The following OPCML variants were observed in gnomAD, a reference collection of about 807,000 sequenced individuals.
OPCML encodes the protein opioid binding protein/cell adhesion molecule like.
A neutral mutation model predicts 37.8 loss-of-function variants in OPCML; 13 were observed. That is an observed-to-expected ratio of 0.34 (90% CI 0.22 to 0.55). OPCML has a LOEUF of 0.55. Ranked by LOEUF, OPCML falls within the 20% of genes least tolerant of loss-of-function variation. The pLI is 0.91. For missense variants in OPCML, 341 were observed against 435.6 expected (o/e 0.78, Z 1.93); for synonymous variants, 176 against 168.8 (o/e 1.04, Z -0.33).
chr11:132,437,921 G>A (rs1259975267), intron 4 of OPCML, among the ~76,000 whole-genome samples: 1 of 152,154 alleles, frequency 6.6e-6, no homozygotes, highest in Admixed American at 6.5e-5. Context: ...GATAGAGTGA[G>A]AATGAATGAA....
chr11:132,838,682 T>G (rs894844512), intron 2 of OPCML, among the ~76,000 whole-genome samples: 3 of 152,226 alleles, frequency 2.0e-5, no homozygotes, highest in Non-Finnish European at 2.9e-5. Context: ...AAATTTATTT[T>G]TTTATTGTGC....
chr11:133,306,108 G>A (rs1490688871), intron 1 of OPCML, among the ~76,000 whole-genome samples: 1 of 152,136 alleles, frequency 6.6e-6, no homozygotes, highest in Non-Finnish European at 1.5e-5. Context: ...TAGCACAGTA[G>A]TGTAACCATT....
At chr11:133,018,701 G>A (rs1427607302) in intron 1 of OPCML, among the ~76,000 whole-genome samples, 1 of 152,220 alleles carries the variant, frequency 6.6e-6, no homozygotes, top group East Asian at 1.9e-4. Flanking sequence ...GACTGGGCTT[G>A]TGCTGGAAAC....
At chr11:133,499,964 C>T (rs539494100) in intron 1 of OPCML, among the ~76,000 whole-genome samples, 8 of 148,510 alleles carry the variant, frequency 5.4e-5, no homozygotes, top group South Asian at 2.2e-4. Context: ...CTCCGCCCCC[C>T]GGGTTCAAGC....
chr11:133,069,705 G>A (rs58936969), intron 1 of OPCML, among the ~76,000 whole-genome samples: 48,936 of 152,122 alleles, frequency 0.32, 8,445 homozygotes, highest in Non-Finnish European at 0.39. Flanking sequence ...CAGCACTCCC[G>A]TTTCCTGGGC....
chr11:132,722,338 G>A (rs2135982884), intron 2 of OPCML, among the ~76,000 whole-genome samples: 1 of 151,888 alleles, frequency 6.6e-6, no homozygotes, highest in East Asian at 1.9e-4. Flanking sequence ...TAGAGGGGAT[G>A]CAGGCTGGTG....
chr11:133,439,511 A>G lies in OPCML; in HGVS notation c.61+92753T>C, dbSNP rs903100172. On this transcript the variant is annotated intron_variant, in intron 1 of 7. Transcript: ENST00000524381. ...GAGATGGAGTCTCACTCTGTCGCCC[A>G]GGCTGGAGTGCAGTGGCTCCATCTC... The G allele has an allele frequency of 9.0e-6, 8 of 890,150 alleles. No homozygotes were observed. In the African/African-American group the frequency reaches 9.1e-5, roughly 10 times the overall value. The allele number at this position is 890,150 out of a possible 1,614,324, so 55.1% of individuals were successfully genotyped here.
At chr11:132,694,962 A>G (rs143995578) in intron 2 of OPCML, among the ~76,000 whole-genome samples, 2,923 of 152,334 alleles carry the variant, frequency 0.019, 37 homozygotes, top group Non-Finnish European at 0.034. Flanking sequence ...CATTAATGGC[A>G]TAAAAAATTA....
At chr11:132,930,860 A>G (rs927169673) in intron 2 of OPCML, among the ~76,000 whole-genome samples, 3 of 152,182 alleles carry the variant, frequency 2.0e-5, no homozygotes, top group Admixed American at 2.0e-4. Flanking sequence ...AGCCAAAACA[A>G]TCTTGAAAAA....
chr11:132,842,862 G>A (rs1245241589), intron 2 of OPCML, among the ~76,000 whole-genome samples: 1 of 152,198 alleles, frequency 6.6e-6, no homozygotes, highest in Non-Finnish European at 1.5e-5. Context: ...AATGTTAGGT[G>A]ATGCTACGAC....
chr11:133,086,212 C>T (rs565243723), intron 1 of OPCML, among the ~76,000 whole-genome samples: 2 of 152,252 alleles, frequency 1.3e-5, no homozygotes, highest in South Asian at 4.1e-4. Context: ...TTTTCTAAAT[C>T]TGGAATTAGT....
intron 1 of OPCML, among the ~76,000 whole-genome samples, chr11:133,515,915 T>A (rs1948260913): frequency 6.6e-6 from 1 of 151,754 alleles, no homozygotes; most frequent in African/African-American, 2.4e-5. Context: ...TGAGTCCTAG[T>A]TCAACTTCGC....
intron 3 of OPCML, among the ~76,000 whole-genome samples, chr11:132,640,659 C>T (rs1432039049): frequency 6.6e-6 from 1 of 152,152 alleles, no homozygotes; most frequent in Non-Finnish European, 1.5e-5. Context: ...TTGTTCCCAT[C>T]CTCAGAGTGG....
chr11:133,239,080 C>T (rs1940629942), intron 1 of OPCML, among the ~76,000 whole-genome samples: 1 of 152,208 alleles, frequency 6.6e-6, no homozygotes, highest in African/African-American at 2.4e-5. Context: ...TCAAAGTCAA[C>T]TCAGAAGACT....
chr11:132,795,494 G>C (rs1224660464), intron 2 of OPCML, among the ~76,000 whole-genome samples: 3 of 152,064 alleles, frequency 2.0e-5, no homozygotes, highest in Non-Finnish European at 4.4e-5. Context: ...CATGCCATTG[G>C]GCATGGCACT....
At chr11:133,399,851 C>CAT (rs567388415) in intron 1 of OPCML, among the ~76,000 whole-genome samples, 2,542 of 147,612 alleles carry the variant, frequency 0.017, 28 homozygotes, top group South Asian at 0.069. Context: ...ATTAAGGAAG[C>CAT]ATATATATAT....
intron 3 of OPCML, among the ~76,000 whole-genome samples, chr11:132,551,257 C>T (rs559357556): frequency 2.6e-5 from 4 of 152,264 alleles, no homozygotes; most frequent in African/African-American, 9.6e-5. Context: ...GAGTTGAAAC[C>T]GTCATTGCAA....
At chr11:132,479,140 G>A (rs1592236994) in intron 4 of OPCML, among the ~76,000 whole-genome samples, 1 of 152,178 alleles carries the variant, frequency 6.6e-6, no homozygotes, top group Admixed American at 6.5e-5. Flanking sequence ...CATCACACAA[G>A]GGAGTGCCAG....
intron 1 of OPCML, among the ~76,000 whole-genome samples, chr11:133,439,659 G>C (rs936391224): frequency 2.0e-5 from 3 of 151,476 alleles, no homozygotes; most frequent in Non-Finnish European, 2.9e-5. Flanking sequence ...AGTAGAGACG[G>C]GGTTTCACCG....
Sources: gnomAD v4.1 joint callset for allele counts (sites outside exome capture counted in the v4.1 genomes callset) on GRCh38, gnomAD v4.1.1 for gene constraint, MANE v1.5 for transcripts, NCBI Gene and HGNC (gene_info 2026-07-23, HGNC 2026-07-21) for gene names.